Variants in MCU observed in about 807,000 individuals in gnomAD.
MCU encodes the protein calcium uniporter protein, mitochondrial.
In MCU, 12 loss-of-function variants were observed where a neutral mutation model predicts 45.2. That is an observed-to-expected ratio of 0.27 (90% CI 0.17 to 0.43). The LOEUF is 0.43. Ranked by LOEUF, MCU falls within the 20% of genes least tolerant of loss-of-function variation. The probability of loss-of-function intolerance (pLI) is 1.00; values close to 1 mark genes in which losing one functional copy is unlikely to be tolerated. For synonymous variants in MCU, 160 were observed against 165.1 expected, an observed-to-expected ratio of 0.97 and a Z score of 0.24; for missense variants, 324 against 436.7, an observed-to-expected ratio of 0.74 and a Z score of 2.30.
intron 1 of MCU, chr10:72,721,240 G>A (rs905450192): frequency 6.5e-6 from 1 of 154,086 alleles, no homozygotes; most frequent in Non-Finnish European, 1.5e-5. Flanking sequence ...AGTAGCTTCT[G>A]ATCTCACTCA....
At chr10:72,755,378 C>G (rs535847648) in intron 1 of MCU, among the ~76,000 whole-genome samples, 1 of 152,114 alleles carries the variant, frequency 6.6e-6, no homozygotes, top group East Asian at 1.9e-4. Flanking sequence ...GAAGTCCTGA[C>G]CTCAGGTGAC....
intron 2 of MCU, among the ~76,000 whole-genome samples, chr10:72,849,685 C>G (rs913943656): frequency 2.6e-5 from 4 of 152,022 alleles, no homozygotes; most frequent in Admixed American, 2.0e-4. Context: ...AAGGTCTAGA[C>G]AGAAAGAAAA....
At chr10:72,816,979 A>T (rs1844637463) in intron 1 of MCU, among the ~76,000 whole-genome samples, 1 of 152,196 alleles carries the variant, frequency 6.6e-6, no homozygotes, top group Non-Finnish European at 1.5e-5. Context: ...TTTCTTTACT[A>T]GTGATTTATA....
At chr10:72,716,601 A>T (rs1451178456) in intron 1 of MCU, among the ~76,000 whole-genome samples, 1 of 151,972 alleles carries the variant, frequency 6.6e-6, no homozygotes, top group Non-Finnish European at 1.5e-5. Flanking sequence ...AAGGTTTTAT[A>T]GGCTGGGCGT....
chr10:72,852,949 A>T (rs935135750), intron 2 of MCU, among the ~76,000 whole-genome samples: 3 of 152,224 alleles, frequency 2.0e-5, no homozygotes, highest in African/African-American at 7.2e-5. Context: ...ACATTCTCAG[A>T]AGAACCATAT....
intron 1 of MCU, among the ~76,000 whole-genome samples, chr10:72,706,171 C>A (rs1487789190): frequency 2.0e-5 from 3 of 148,038 alleles, no homozygotes; most frequent in Non-Finnish European, 4.5e-5. Flanking sequence ...ATGGCCTTAA[C>A]TTGTTTTGAT....
At chr10:72,842,216 C>G (rs899505417) in intron 2 of MCU, among the ~76,000 whole-genome samples, 2 of 152,174 alleles carry the variant, frequency 1.3e-5, no homozygotes, top group Non-Finnish European at 2.9e-5. Context: ...TGAAGTATCT[C>G]TGTAGGCCAG....
chr10:72,878,107 T>A (rs1175518730), intron 6 of MCU, among the ~76,000 whole-genome samples: 6 of 148,854 alleles, frequency 4.0e-5, no homozygotes, highest in Admixed American at 4.0e-4. Flanking sequence ...TACAAATAAT[T>A]TTGCTTTTTT....
intron 1 of MCU, among the ~76,000 whole-genome samples, chr10:72,728,857 A>G (rs1278680726): frequency 6.6e-6 from 1 of 152,196 alleles, no homozygotes; most frequent in African/African-American, 2.4e-5. Flanking sequence ...GATACCATGG[A>G]GGGATTAAAA....
chr10:72,713,069 A>G (rs1304287287), intron 1 of MCU, among the ~76,000 whole-genome samples: 1 of 152,262 alleles, frequency 6.6e-6, no homozygotes, highest in Non-Finnish European at 1.5e-5. Context: ...TGCTATTAAC[A>G]GTGAATCTTC....
At chr10:72,710,553 T>G (rs891448174) in intron 1 of MCU, among the ~76,000 whole-genome samples, 2 of 147,426 alleles carry the variant, frequency 1.4e-5, no homozygotes, top group East Asian at 2.0e-4. Context: ...GTTTTTTTTT[T>G]TTTTTTTTTT....
rs150026468 is a variant in MCU at position 72,883,762 on chromosome 10, C to T, written c.862-504C>T. Among the ~76,000 whole-genome samples, 473 of 152,230 alleles carry T rather than the reference C, an allele frequency of 3.1e-3. 1 individual carries two copies. The highest frequency in any genetic ancestry group is 0.011 in the African/African-American group (446 of 41,546). On this transcript the variant is annotated intron_variant, in intron 6 of 7. Coordinates refer to ENST00000373053, the MANE Select transcript of MCU (RefSeq NM_138357.3). ...AATGGAAATGAATAGACTGCAGCTA[C>T]ACACAAAAGGTGAATTTCACAAACC...
intron 1 of MCU, among the ~76,000 whole-genome samples, chr10:72,730,331 C>CGG (rs1421012765): frequency 8.1e-6 from 1 of 123,468 alleles, no homozygotes; most frequent in East Asian, 2.4e-4. Flanking sequence ...TTTTTTGAGA[C>CGG]GGAGTCTCAC....
chr10:72,771,943 A>G (rs1198586775), intron 1 of MCU, among the ~76,000 whole-genome samples: 1 of 152,172 alleles, frequency 6.6e-6, no homozygotes, highest in Non-Finnish European at 1.5e-5. Flanking sequence ...CCCAGGACAA[A>G]TAGTTTGTAA....
chr10:72,806,901 AG>A (rs1485492174), intron 1 of MCU, among the ~76,000 whole-genome samples: 2 of 152,218 alleles, frequency 1.3e-5, no homozygotes, highest in Non-Finnish European at 2.9e-5. Context: ...GGCCAGTTCA[AG>A]GAACAGTTCA....
intron 1 of MCU, among the ~76,000 whole-genome samples, chr10:72,818,427 A>G (rs1844657857): frequency 6.6e-6 from 1 of 152,174 alleles, no homozygotes; most frequent in Non-Finnish European, 1.5e-5. Flanking sequence ...GAACTCTTTT[A>G]CCATACCCTG....
At chr10:72,867,442 C>T (rs1845474056) in intron 4 of MCU, among the ~76,000 whole-genome samples, 1 of 152,124 alleles carries the variant, frequency 6.6e-6, no homozygotes, top group Non-Finnish European at 1.5e-5. Flanking sequence ...TTCAGTCGTT[C>T]TCATAACTTC....
At chr10:72,768,647 A>G (rs527377267) in intron 1 of MCU, among the ~76,000 whole-genome samples, 8 of 152,328 alleles carry the variant, frequency 5.3e-5, no homozygotes, top group African/African-American at 1.7e-4. Flanking sequence ...ACCATATTTC[A>G]TTGCCTCTAA....
intron 2 of MCU, among the ~76,000 whole-genome samples, chr10:72,837,554 G>A (rs1296968489): frequency 6.6e-6 from 1 of 152,160 alleles, no homozygotes; most frequent in Non-Finnish European, 1.5e-5. Flanking sequence ...GAAAAATGTA[G>A]AAACAGTACT....
Sources: gnomAD v4.1 joint callset for allele counts (sites outside exome capture counted in the v4.1 genomes callset) on GRCh38, gnomAD v4.1.1 for gene constraint, MANE v1.5 for transcripts, NCBI Gene and HGNC (gene_info 2026-07-23, HGNC 2026-07-21) for gene names.